The following DGKB variants were observed in gnomAD, a reference collection of about 807,000 sequenced individuals.
DGKB encodes the protein diacylglycerol kinase beta, also known as 90 kDa diacylglycerol kinase.
DGKB carries 67 observed loss-of-function variants against 114.3 expected under a neutral mutation model. The ratio of observed to expected loss-of-function variants is 0.59; its 90% CI spans 0.48 to 0.72. The LOEUF is 0.72. Among genes scored for constraint, DGKB ranks in the 30% least tolerant of loss-of-function variants. The pLI is 0.00. For missense variants in DGKB, 907 were observed against 975.2 expected (o/e 0.93, Z 0.93); for synonymous variants, 398 against 323.1 (o/e 1.23, Z -2.49).
chr7:14,300,387 T>G (rs971184094), intron 23 of DGKB, among the ~76,000 whole-genome samples: 4 of 152,108 alleles, frequency 2.6e-5, no homozygotes, highest in African/African-American at 9.7e-5. Flanking sequence ...ACTGTGCAAC[T>G]GGAACAACCA....
Position 14,146,884 on chromosome 7 carries a change from C to T in DGKB, c.*2247G>A, listed in dbSNP as rs144586374. The stretch of plus-strand genomic sequence containing the variant: ...CTTATAAGCAGGTTGTTTAATTTGT[C>T]TCATCCCACTGTCTATCCAACAGCT... On this transcript the variant is annotated 3_prime_UTR_variant, in exon 26 of 26. Transcript: ENST00000402815. The T allele has an allele frequency of 6.6e-6, 1 of 152,178 alleles. No homozygotes were observed. The highest frequency in any genetic ancestry group is 2.4e-5 in the African/African-American group (1 of 41,540). The allele number at this position is 152,178 out of a possible 1,614,324, so 9.4% of individuals were successfully genotyped here.
At chr7:14,748,564 G>C (rs1833693657) in intron 4 of DGKB, among the ~76,000 whole-genome samples, 1 of 152,144 alleles carries the variant, frequency 6.6e-6, no homozygotes, top group African/African-American at 2.4e-5. Flanking sequence ...GAGCAGGAGT[G>C]AGGGAGGACC....
At chr7:14,493,870 A>C (rs1165803672) in intron 20 of DGKB, among the ~76,000 whole-genome samples, 1 of 151,702 alleles carries the variant, frequency 6.6e-6, no homozygotes, top group Non-Finnish European at 1.5e-5. Flanking sequence ...TCCAGCATGT[A>C]AACTTCTCAC....
intron 20 of DGKB, among the ~76,000 whole-genome samples, chr7:14,560,618 G>A (rs147985015): frequency 0.011 from 1,705 of 152,274 alleles, 27 homozygotes; most frequent in African/African-American, 0.038. Context: ...TGGTTGAGCA[G>A]TTATATTGCT....
At chr7:14,526,822 C>A (rs192062922) in intron 20 of DGKB, among the ~76,000 whole-genome samples, 20 of 152,216 alleles carry the variant, frequency 1.3e-4, no homozygotes, top group African/African-American at 4.6e-4. Context: ...ACGCCACACA[C>A]AGACACACAC....
intron 16 of DGKB, among the ~76,000 whole-genome samples, chr7:14,612,664 G>T (rs1300791729): frequency 2.0e-5 from 3 of 151,948 alleles, no homozygotes; most frequent in Non-Finnish European, 4.4e-5. Flanking sequence ...TTTTGGTTGA[G>T]ATTAGGAGAG....
intron 25 of DGKB, chr7:14,175,977 T>A (rs1313674850): frequency 6.6e-6 from 1 of 151,480 alleles, no homozygotes; most frequent in East Asian, 1.9e-4. Context: ...GCTAAGTTTT[T>A]TTTTTATTTT....
At chr7:14,269,315 C>G (rs1224505443) in intron 23 of DGKB, 2 of 152,160 alleles carry the variant, frequency 1.3e-5, no homozygotes, top group African/African-American at 4.8e-5. Context: ...TGCGTCCACC[C>G]CACACTCCAG....
At chr7:14,239,151 C>T (rs778564655) in intron 23 of DGKB, among the ~76,000 whole-genome samples, 3 of 151,974 alleles carry the variant, frequency 2.0e-5, no homozygotes, top group Non-Finnish European at 4.4e-5. Flanking sequence ...GCTCAGCAGT[C>T]GTTACTTCCT....
chr7:14,478,777 A>G (rs1415703201), intron 20 of DGKB, among the ~76,000 whole-genome samples: 1 of 151,546 alleles, frequency 6.6e-6, no homozygotes, highest in Non-Finnish European at 1.5e-5. Flanking sequence ...GACCACAAGC[A>G]ACTTTCTGGC....
chr7:14,333,041 G>A (rs1810003634), intron 23 of DGKB, among the ~76,000 whole-genome samples: 1 of 152,082 alleles, frequency 6.6e-6, no homozygotes, highest in South Asian at 2.1e-4. Flanking sequence ...ACTTTTTAAA[G>A]CAGTCAACAA....
intron 1 of DGKB, among the ~76,000 whole-genome samples, chr7:14,929,486 T>C (rs1784900071): frequency 6.6e-6 from 1 of 152,178 alleles, no homozygotes; most frequent in African/African-American, 2.4e-5. Context: ...ATGTTGAGCA[T>C]TTTTTCATAT....
intron 21 of DGKB, among the ~76,000 whole-genome samples, chr7:14,363,660 G>C (rs1816146106): frequency 6.6e-6 from 1 of 152,060 alleles, no homozygotes; most frequent in Admixed American, 6.6e-5. Flanking sequence ...GATACAGTTA[G>C]TAGCAGCTCT....
chr7:14,950,786 C>A (rs1786154178), intron 1 of DGKB, among the ~76,000 whole-genome samples: 1 of 151,300 alleles, frequency 6.6e-6, no homozygotes, highest in African/African-American at 2.4e-5. Context: ...ACAAAGATAC[C>A]ACAAGAAAAA....
chr7:14,528,140 A>G (rs1186008939), intron 20 of DGKB, among the ~76,000 whole-genome samples: 4 of 152,116 alleles, frequency 2.6e-5, no homozygotes, highest in African/African-American at 9.7e-5. Flanking sequence ...GTTTTTATAC[A>G]TATTTTGTAT....
chr7:14,574,202 A>C lies in DGKB; in HGVS notation c.1770+10T>G. On this transcript the variant is annotated intron_variant, in intron 20 of 25. Coordinates refer to ENST00000402815, the MANE Select transcript of DGKB (RefSeq NM_001350709.2). ...CAGGTACAAAGGTAAAATTTAGTGG[A>C]GAATCTTACCACGCCAATGGAAAAG... The C allele has an allele frequency of 6.2e-7, 1 of 1,609,008 alleles. No individual in the cohort carries two copies. The highest frequency in any genetic ancestry group is 8.5e-7 in the Non-Finnish European group (1 of 1,177,480).
chr7:14,188,851 C>T (rs1345579216), intron 23 of DGKB, among the ~76,000 whole-genome samples: 1 of 151,774 alleles, frequency 6.6e-6, no homozygotes, highest in Non-Finnish European at 1.5e-5. Context: ...CAGCAGAAAC[C>T]TTAAAGCTGG....
intron 1 of DGKB, among the ~76,000 whole-genome samples, chr7:14,955,020 CAA>C (rs1403959465): frequency 6.6e-6 from 1 of 151,930 alleles, no homozygotes; most frequent in African/African-American, 2.4e-5. Context: ...ATAGAGGAGA[CAA>C]GAGAATCAGC....
chr7:14,813,425 A>G (rs1843688756), intron 2 of DGKB, among the ~76,000 whole-genome samples: 1 of 152,190 alleles, frequency 6.6e-6, no homozygotes. Context: ...AATCTGCAGC[A>G]CAACCTCAGG....
Sources: allele counts gnomAD v4.1 joint callset (sites outside exome capture counted in the v4.1 genomes callset), GRCh38; gene constraint gnomAD v4.1.1; transcripts MANE v1.5; gene names NCBI Gene and HGNC (gene_info 2026-07-23, HGNC 2026-07-21).